CDH13: variants seen among roughly 807,000 people sequenced by gnomAD.
CDH13 encodes the protein cadherin-13.
Under a neutral mutation model 63.8 loss-of-function variants are expected in CDH13, and 24 were observed. That is an observed-to-expected ratio of 0.38 (90% confidence interval 0.27 to 0.53). CDH13 has a LOEUF of 0.53. CDH13 is among the 20% of genes least tolerant of loss of function. The pLI, the probability that CDH13 is intolerant of heterozygous loss-of-function variation, is 0.85. For missense variants in CDH13, 1,049 were observed against 903.1 expected, an observed-to-expected ratio of 1.16 and a Z score of -2.07; for synonymous variants, 503 against 355.3, an observed-to-expected ratio of 1.42 and a Z score of -4.67.
chr16:82,895,857 A>T (rs533078505), intron 2 of CDH13, among the ~76,000 whole-genome samples: 1 of 152,338 alleles, frequency 6.6e-6, no homozygotes, highest in Admixed American at 6.5e-5. Flanking sequence ...CAGTACGTCA[A>T]GCCAGTACAC....
At chr16:83,262,184 G>T (rs938773441) in intron 5 of CDH13, among the ~76,000 whole-genome samples, 5 of 152,188 alleles carry the variant, frequency 3.3e-5, no homozygotes, top group Non-Finnish European at 7.3e-5. Flanking sequence ...GTAACAGCAG[G>T]CACCCCTGGA....
At chr16:83,366,396 G>T (rs574175234) in intron 6 of CDH13, among the ~76,000 whole-genome samples, 2 of 152,290 alleles carry the variant, frequency 1.3e-5, no homozygotes, top group East Asian at 1.9e-4. Context: ...TTTTGAGGAG[G>T]TTGCGCTGAC....
intron 10 of CDH13, among the ~76,000 whole-genome samples, chr16:83,723,681 G>T (rs1037944295): frequency 6.6e-6 from 1 of 152,200 alleles, no homozygotes; most frequent in African/African-American, 2.4e-5. Flanking sequence ...TGAAGTTATC[G>T]TATTGTGTGT....
At chr16:83,180,282 T>C (rs1361518172) in intron 4 of CDH13, among the ~76,000 whole-genome samples, 1 of 152,196 alleles carries the variant, frequency 6.6e-6, no homozygotes, top group African/African-American at 2.4e-5. Context: ...TTGTAGTCTT[T>C]GGAGGAAATA....
chr16:83,684,214 A>G lies in CDH13; in HGVS notation c.1538+5753A>G, dbSNP rs931861989. Among the ~76,000 whole-genome samples, 6 of 152,094 alleles carry G rather than the reference A, an allele frequency of 3.9e-5. No individual in the cohort carries two copies. In the East Asian group the frequency reaches 1.2e-3, roughly 29 times the overall value. On this transcript the variant is annotated intron_variant, in intron 10 of 13. Transcript: ENST00000567109. ...AAACGCCATCTCTACTAAAAATACA[A>G]AAATTAGCTGGGCATGGTGGTGTAC... is the stretch of plus-strand genomic sequence containing the variant.
intron 7 of CDH13, among the ~76,000 whole-genome samples, chr16:83,529,831 A>G (rs2075043322): frequency 1.3e-5 from 2 of 152,216 alleles, no homozygotes; most frequent in Admixed American, 6.6e-5. Flanking sequence ...TGGTCAGGTG[A>G]TTATGGAGCG....
At chr16:83,316,872 TCTGGGCTGGG>T (rs570464163) in intron 5 of CDH13, among the ~76,000 whole-genome samples, 4 of 152,084 alleles carry the variant, frequency 2.6e-5, no homozygotes, top group Non-Finnish European at 5.9e-5. Context: ...CTGAGCTTCA[TCTGGGCTGGG>T]CTGGGCTGGG....
In CDH13 at chr16:82,748,324, T is replaced by C. The variant is rs17183414; in HGVS notation, c.46-110038T>C. 8.8e-3 allele frequency among the ~76,000 whole-genome samples: 1,346 copies of C among 152,322 alleles called. 13 individuals carry two copies. The highest frequency in any genetic ancestry group is 0.013 in the Non-Finnish European group (878 of 68,028). The stretch of plus-strand genomic sequence containing the variant: ...TCATTGCACATGGCAATTAATTTAC[T>C]ATGCAGAGTGTGTTTTGCTTGGTAT... On this transcript the variant is annotated intron_variant, in intron 1 of 13. Coordinates refer to ENST00000567109, the MANE Select transcript of CDH13 (RefSeq NM_001257.5).
chr16:83,134,154 A>C (rs1223446268), intron 4 of CDH13, among the ~76,000 whole-genome samples: 2 of 152,184 alleles, frequency 1.3e-5, no homozygotes, highest in Non-Finnish European at 2.9e-5. Context: ...ATTGCTTGGC[A>C]GTCAACTATT....
chr16:83,734,548 C>T (rs1424359236), intron 10 of CDH13, among the ~76,000 whole-genome samples: 1 of 146,878 alleles, frequency 6.8e-6, no homozygotes, highest in African/African-American at 2.6e-5. Context: ...CACATGGACA[C>T]AGGAAGGGGA....
rs531552316 is a variant in CDH13 at position 83,568,513 on chromosome 16, G to A, written c.961-33941G>A. On this transcript the variant is annotated intron_variant, in intron 7 of 13. Coordinates refer to ENST00000567109, the MANE Select transcript of CDH13 (RefSeq NM_001257.5). Reference sequence around the variant, plus strand: ...TGTTTCTATTCTGAGCTCAGTTCACGTAGTTCAATGTGCTTTGGCTTGGCT... The same window carrying A: ...TGTTTCTATTCTGAGCTCAGTTCACATAGTTCAATGTGCTTTGGCTTGGCT... Among the ~76,000 whole-genome samples, 13 of 152,306 alleles carry A rather than the reference G, an allele frequency of 8.5e-5. No homozygotes were observed. The South Asian group carries it at 1.2e-3, about 15-fold the overall frequency.
At chr16:83,711,134 C>T (rs990442045) in intron 10 of CDH13, among the ~76,000 whole-genome samples, 1 of 152,194 alleles carries the variant, frequency 6.6e-6, no homozygotes, top group Non-Finnish European at 1.5e-5. Flanking sequence ...GTCCCTTCTC[C>T]ACTCTCCCCA....
intron 2 of CDH13, among the ~76,000 whole-genome samples, chr16:82,877,924 GACACACACACAC>G (rs1213536997): frequency 5.4e-5 from 7 of 129,358 alleles, no homozygotes; most frequent in African/African-American, 2.0e-4. Context: ...CATACACATA[GACACACACACAC>G]ACACACACAC....
chr16:82,822,424 C>T (rs186171945), intron 1 of CDH13, among the ~76,000 whole-genome samples: 12 of 152,312 alleles, frequency 7.9e-5, no homozygotes, highest in African/African-American at 2.6e-4. Context: ...TGCACATTCA[C>T]ATACAAATTT....
chr16:83,518,610 C>G (rs1218986527), intron 7 of CDH13, among the ~76,000 whole-genome samples: 1 of 151,280 alleles, frequency 6.6e-6, no homozygotes, highest in African/African-American at 2.4e-5. Flanking sequence ...GTAGCTGGGA[C>G]TACAGGCACC....
At chr16:83,469,947 C>T (rs755879011) in intron 6 of CDH13, among the ~76,000 whole-genome samples, 1 of 152,172 alleles carries the variant, frequency 6.6e-6, no homozygotes, top group Non-Finnish European at 1.5e-5. Context: ...TTTTAAGAGA[C>T]CCTTAGACAG....
chr16:82,980,193 G>T (rs938169169), intron 2 of CDH13, among the ~76,000 whole-genome samples: 2 of 152,170 alleles, frequency 1.3e-5, no homozygotes, highest in African/African-American at 4.8e-5. Context: ...ACGTGTCTGA[G>T]ACCTTCCTTT....
chr16:83,128,018 C>T (rs1364760807), intron 4 of CDH13, among the ~76,000 whole-genome samples: 2 of 152,152 alleles, frequency 1.3e-5, no homozygotes, highest in African/African-American at 4.8e-5. Context: ...CTCCCCACTT[C>T]TTCAAAACTC....
chr16:82,929,132 A>C (rs1352290372), intron 2 of CDH13, among the ~76,000 whole-genome samples: 1 of 152,148 alleles, frequency 6.6e-6, no homozygotes, highest in Non-Finnish European at 1.5e-5. Flanking sequence ...GGTTGATACC[A>C]TTTGTTTTTA....
Sources: gnomAD v4.1 joint callset for allele counts (sites outside exome capture counted in the v4.1 genomes callset) on GRCh38, gnomAD v4.1.1 for gene constraint, MANE v1.5 for transcripts, NCBI Gene and HGNC (gene_info 2026-07-23, HGNC 2026-07-21) for gene names.